The following WDR97 variants were observed in gnomAD, a reference collection of about 807,000 sequenced individuals.
The protein encoded by WDR97 is WD repeat-containing protein 97.
Under a neutral mutation model 65.4 loss-of-function variants are expected in WDR97, and 111 were observed. The ratio of observed to expected loss-of-function variants is 1.70; its 90% CI spans 1.45 to 1.99. The LOEUF is 1.99. Among genes scored for constraint, WDR97 ranks in the 30% most tolerant of loss-of-function variants. The pLI, the probability that WDR97 is intolerant of heterozygous loss-of-function variation, is 0.00. For synonymous variants in WDR97, 802 were observed against 397.7 expected, an observed-to-expected ratio of 2.02 and a Z score of -12.10; for missense variants, 1,674 against 865.0, an observed-to-expected ratio of 1.94 and a Z score of -11.73.
Position 144,111,976 on chromosome 8 carries a change from A to G in WDR97, c.2727A>G (p.Gln909=), listed in dbSNP as rs759755585. 21 of 702,318 alleles carry G rather than the reference A, an allele frequency of 3.0e-5. No homozygotes were observed. The highest frequency in any genetic ancestry group is 4.7e-5 in the Non-Finnish European group (18 of 384,898). 43.5% of individuals were successfully genotyped at this position (702,318 alleles called of 1,614,324 possible). The change falls in exon 13 of 24, where the codon CAA becomes CAG. Residue 909 remains glutamine, a synonymous_variant. Transcript: ENST00000323662. ...CCCGGGATGTGTGTGCTGTACCCCA[A>G]GCTGCCCACTGTCTTGCCCGGGCTG... The part of the protein sequence containing the change: ...RETRDVCAVP[Q]AAHCLARAEV...
In WDR97 at chr8:144,116,511, C is replaced by G. The variant is rs948967908; in HGVS notation, c.*218C>G. The G allele has an allele frequency of 6.1e-6, 3 of 494,414 alleles. No individual in the cohort carries two copies. The highest frequency in any genetic ancestry group is 1.1e-5 in the Non-Finnish European group (3 of 282,120). The allele number at this position is 494,414 out of a possible 1,614,324, so 30.6% of individuals were successfully genotyped here. ...CTGGCGGAGGTGGCCATCGTGGGCA[C>G]CAGCGTTCCCGGAGGGGTGGCCGGC... On this transcript the variant is annotated 3_prime_UTR_variant, in exon 24 of 24. Coordinates refer to ENST00000323662, the MANE Select transcript of WDR97 (RefSeq NM_001316309.2).
In WDR97 at chr8:144,116,506, G is replaced by A. The variant is rs1395408851; in HGVS notation, c.*213G>A. On this transcript the variant is annotated 3_prime_UTR_variant, in exon 24 of 24. Coordinates refer to ENST00000323662, the MANE Select transcript of WDR97 (RefSeq NM_001316309.2). ...GAGGCCTGGCGGAGGTGGCCATCGT[G>A]GGCACCAGCGTTCCCGGAGGGGTGG... is the stretch of plus-strand genomic sequence containing the variant. 4 of 498,202 alleles carry A rather than the reference G, an allele frequency of 8.0e-6. No homozygotes were observed. The East Asian group carries it at 1.3e-4, about 16-fold the overall frequency. 30.9% of individuals were successfully genotyped at this position (498,202 alleles called of 1,614,324 possible).
chr8:144,111,201 T>A lies in WDR97; in HGVS notation c.2405T>A (p.Leu802His), dbSNP rs781193322. 5.7e-6 allele frequency: 4 copies of A among 702,618 alleles called. No homozygotes were observed. The South Asian group carries it at 5.9e-5, about 10-fold the overall frequency. 43.5% of individuals were successfully genotyped at this position (702,618 alleles called of 1,614,324 possible). A position where few individuals can be genotyped will look rare whatever the true frequency, so the allele number is the denominator to read the frequency against. The change falls in exon 10 of 24, where the codon CTC becomes CAC. Residue 802 changes from leucine (L) to histidine (H), a missense_variant. Coordinates refer to ENST00000323662, the MANE Select transcript of WDR97 (RefSeq NM_001316309.2). ...TSAQLQRLTN[L>H]HGAASLSEAL... ...GCCCAACTGCAGAGGCTCACCAACC[T>A]CCATGGGGCAGCCAGCCTCAGGTCC...
In WDR97 at chr8:144,115,960, G is replaced by A. The variant is rs1465318811; in HGVS notation, c.4613G>A (p.Arg1538Gln). ...PREHWYHPIL[R>Q]LQEAKPQRSA... ...GCCTCCAGGTACCACCCCATCCTCCGGCTGCAGGAGGCCAAGCCGCAGAGG... is the reference window on the plus strand; with the variant it reads ...GCCTCCAGGTACCACCCCATCCTCCAGCTGCAGGAGGCCAAGCCGCAGAGG... Residue 1538 changes from arginine (R) to glutamine (Q), a missense_variant, in exon 23 of 24, where the codon CGG (arginine) becomes CAG (glutamine). Transcript: ENST00000323662. The A allele has an allele frequency of 4.3e-6, 3 of 700,972 alleles. No homozygotes were observed. The highest frequency in any genetic ancestry group is 2.7e-5 in the East Asian group (1 of 37,262). The allele number at this position is 700,972 out of a possible 1,614,324, so 43.4% of individuals were successfully genotyped here.
rs911382048 is a variant in WDR97, at chr8:144,114,857, C to A, written c.4023C>A (p.Ala1341=). 1.4e-6 allele frequency: 1 copy of A among 702,286 alleles called. No individual in the cohort carries two copies. The highest frequency in any genetic ancestry group is 1.7e-5 in the African/African-American group (1 of 57,242). 43.5% of individuals were successfully genotyped at this position (702,286 alleles called of 1,614,324 possible). ...AGGGCCCAGACCTGGACTCCAAGGC[C>A]GGCCTGCGCACTTGCTGCCACCAGA... is the stretch of plus-strand genomic sequence containing the variant. ...WVQGPDLDSK[A]GLRTCCHQKL... Residue 1341 remains alanine, a synonymous_variant, in exon 21 of 24, where the codon GCC becomes GCA. Transcript: ENST00000323662.
chr8:144,115,585 C>T lies in WDR97; in HGVS notation c.4322C>T (p.Thr1441Met), dbSNP rs1376291833. Reference protein sequence around the residue: ...PQLRLRVLSETLKSFCLEPEA... With the variant: ...PQLRLRVLSEMLKSFCLEPEA... ...CTCCGTCTCAGAGTGCTCTCCGAGA[C>T]GCTGAAGAGCTTCTGCCTGGAGCCC... The change falls in exon 22 of 24, where the codon ACG (threonine) becomes ATG (methionine). Residue 1441 changes from threonine (T) to methionine (M), a missense_variant. Physicochemically the swap from Thr to Met is moderately conservative, Grantham distance 81. Coordinates refer to ENST00000323662, the MANE Select transcript of WDR97 (RefSeq NM_001316309.2). The T allele has an allele frequency of 1.3e-5, 9 of 690,536 alleles. No homozygotes were observed. Among genetic ancestry groups the T allele is most frequent in the South Asian group, 1.2e-4 (8 of 67,026 alleles). The allele number at this position is 690,536 out of a possible 1,614,324, so 42.8% of individuals were successfully genotyped here.
At chr8:144,108,249 C>T (rs1249278959) in intron 2 of WDR97, 54 bp downstream of exon 2, 12 of 694,828 alleles carry the variant, frequency 1.7e-5, no homozygotes, top group Middle Eastern at 2.3e-4. Context: ...TGGGCCTTCC[C>T]TTAGGGGTCC....
Position 144,109,072 on chromosome 8 carries a change from G to A in WDR97, c.902G>A (p.Cys301Tyr), listed in dbSNP as rs989986220. 1.8e-5 allele frequency: 13 copies of A among 703,210 alleles called. No homozygotes were observed. Among genetic ancestry groups the A allele is most frequent in the Non-Finnish European group, 3.4e-5 (13 of 385,050 alleles). The allele number at this position is 703,210 out of a possible 1,614,324, so 43.6% of individuals were successfully genotyped here. ...AGCACCATCTCGGACCTGGCTTACT[G>A]CGAGGAAGTAGAGGCAATGGTGACA... Reference protein sequence around the residue: ...HKTTISDLAYCEEVEAMVTAS... With the variant: ...HKTTISDLAYYEEVEAMVTAS... The change falls in exon 4 of 24, where the codon TGC becomes TAC. Residue 301 changes from cysteine (C) to tyrosine (Y), a missense_variant. Cys to Tyr is a radical substitution (Grantham distance 194). Coordinates refer to ENST00000323662, the MANE Select transcript of WDR97 (RefSeq NM_001316309.2).
At position 144,108,504 on chromosome 8, in the gene WDR97, G is replaced by C. The variant is rs1468315476; in HGVS notation, c.438G>C (p.Ala146=). 7.1e-6 allele frequency: 5 copies of C among 700,762 alleles called. No homozygotes were observed. The highest frequency in any genetic ancestry group is 5.4e-5 in the East Asian group (2 of 37,272). 43.4% of individuals were successfully genotyped at this position (700,762 alleles called of 1,614,324 possible). A position where few individuals can be genotyped will look rare whatever the true frequency, so the allele number is the denominator to read the frequency against. ...EDGWAQETLL[A]PVRLTGLVTV... ...GCTGGGCACAGGAGACGCTGCTGGC[G>C]CCTGTCCGGCTTACGGGGCTGGTGA... The change falls in exon 3 of 24, where the codon GCG becomes GCC. Residue 146 remains alanine (A), a synonymous_variant. Transcript: ENST00000323662.
chr8:144,108,170 C>T lies in WDR97; in HGVS notation c.224C>T (p.Thr75Ile), dbSNP rs2130034685. 1 of 702,100 alleles carries T rather than the reference C, an allele frequency of 1.4e-6. No homozygotes were observed. Among genetic ancestry groups the T allele is most frequent in the East Asian group, 2.7e-5 (1 of 37,270 alleles). 43.5% of individuals were successfully genotyped at this position (702,100 alleles called of 1,614,324 possible). A position where few individuals can be genotyped will look rare whatever the true frequency, so the allele number is the denominator to read the frequency against. Reference sequence around the variant, plus strand: ...CGCCGGCTGTGGCTGCTTCTGCGCACCAGCCTCCACGAAGTCGTGGAAAAG... The same window carrying T: ...CGCCGGCTGTGGCTGCTTCTGCGCATCAGCCTCCACGAAGTCGTGGAAAAG... The part of the protein sequence containing the change: ...RARRLWLLLR[T>I]SLHEVVEKEK... Residue 75 changes from threonine to isoleucine, a missense_variant, in exon 2 of 24, where the codon ACC becomes ATC. Transcript: ENST00000323662.
Position 144,110,390 on chromosome 8 carries a change from G to A in WDR97, c.1893G>A (p.Glu631=). The A allele has an allele frequency of 1.4e-6, 1 of 702,954 alleles. No homozygotes were observed. The highest frequency in any genetic ancestry group is 2.6e-6 in the Non-Finnish European group (1 of 384,992). The allele number at this position is 702,954 out of a possible 1,614,324, so 43.5% of individuals were successfully genotyped here. A position where few individuals can be genotyped will look rare whatever the true frequency, so the allele number is the denominator to read the frequency against. ...GGCGCGTCTTCCCCTATGCCGAAGA[G>A]AGCCTGAGCCTGCTGCGCACCTTCT... is the stretch of plus-strand genomic sequence containing the variant. ...KMWRVFPYAE[E]SLSLLRTFSC... is the part of the protein sequence containing the mutation. The change falls in exon 7 of 24, where the codon GAG becomes GAA. Residue 631 remains glutamate, a synonymous_variant. Transcript: ENST00000323662.
chr8:144,112,571 A>C (rs1836573213), intron 15 of WDR97, 41 bp downstream of exon 15: 1 of 702,326 alleles, frequency 1.4e-6, no homozygotes, highest in Non-Finnish European at 2.6e-6. Context: ...ACTCCTCTCC[A>C]GGCATCACTC....
rs749326047 is a variant in WDR97 at position 144,110,909 on chromosome 8, C to G, written c.2217C>G (p.Ser739Arg). ...CCCCTCAGGCCCTGGCTTTCTGCAG[C>G]AACAGTGGAGACCTGGTGCTGGCGC... is the stretch of plus-strand genomic sequence containing the variant. ...NGAPQALAFC[S>R]NSGDLVLALG... Residue 739 changes from serine to arginine, a missense_variant, in exon 9 of 24, where the codon AGC (serine) becomes AGG (arginine). Physicochemically the swap from Ser to Arg is moderately radical, Grantham distance 110. Coordinates refer to ENST00000323662, the MANE Select transcript of WDR97 (RefSeq NM_001316309.2). 1.4e-6 allele frequency: 1 copy of G among 702,872 alleles called. No individual in the cohort carries two copies. The highest frequency in any genetic ancestry group is 1.5e-5 in the South Asian group (1 of 67,604). The allele number at this position is 702,872 out of a possible 1,614,324, so 43.5% of individuals were successfully genotyped here.
chr8:144,114,855 GC>G lies in WDR97; in HGVS notation c.4023del (p.Gly1342AlafsTer13), dbSNP rs1239222476. 1 of 702,442 alleles carries G rather than the reference GC, an allele frequency of 1.4e-6. No individual in the cohort carries two copies. Among genetic ancestry groups the G allele is most frequent in the Admixed American group, 2.0e-5 (1 of 49,888 alleles). The allele number at this position is 702,442 out of a possible 1,614,324, so 43.5% of individuals were successfully genotyped here. A position where few individuals can be genotyped will look rare whatever the true frequency, so the allele number is the denominator to read the frequency against. ...WVQGPDLDSK[A>X]GLRTCCHQKL... ...CCAGGGCCCAGACCTGGACTCCAAGGCCGGCCTGCGCACTTGCTGCCACCAG... is the reference window on the plus strand; with the variant it reads ...CCAGGGCCCAGACCTGGACTCCAAGGCGGCCTGCGCACTTGCTGCCACCAG... On this transcript the variant is annotated frameshift_variant, in exon 21 of 24. Transcript: ENST00000323662. LOFTEE classifies it high-confidence loss of function.
Position 144,111,654 on chromosome 8 carries a change from G to A in WDR97, c.2510G>A (p.Arg837Gln), listed in dbSNP as rs777000094. ...CAGGACTTGGACGCCATAGTGGCCC[G>A]GGACCGAGACCTTCAGCAGTTGAGG... ...PKEDLDAIVA[R>Q]DRDLQQLRLG... is the part of the protein sequence containing the mutation. Residue 837 changes from arginine (R) to glutamine (Q), a missense_variant, in exon 12 of 24, where the codon CGG becomes CAG. By Grantham distance (43) the Arg-to-Gln change is conservative (BLOSUM62 1). Coordinates refer to ENST00000323662, the MANE Select transcript of WDR97 (RefSeq NM_001316309.2). 34 of 695,482 alleles carry A rather than the reference G, an allele frequency of 4.9e-5. No homozygotes were observed. Among genetic ancestry groups the A allele is most frequent in the South Asian group, 3.9e-4 (26 of 66,958 alleles). The allele number at this position is 695,482 out of a possible 1,614,324, so 43.1% of individuals were successfully genotyped here. A position where few individuals can be genotyped will look rare whatever the true frequency, so the allele number is the denominator to read the frequency against.
Position 144,116,480 on chromosome 8 carries a change from G to A in WDR97, c.*187G>A, listed in dbSNP as rs555383496. On this transcript the variant is annotated 3_prime_UTR_variant, in exon 24 of 24. Coordinates refer to ENST00000323662, the MANE Select transcript of WDR97 (RefSeq NM_001316309.2). The stretch of plus-strand genomic sequence containing the variant: ...ACAGTGGCGGCGGAAGGCAGGAGCC[G>A]GAGGCCTGGCGGAGGTGGCCATCGT... 2 of 501,580 alleles carry A rather than the reference G, an allele frequency of 4.0e-6. No homozygotes were observed. Among genetic ancestry groups the A allele is most frequent in the South Asian group, 3.4e-5 (1 of 29,232 alleles). The allele number at this position is 501,580 out of a possible 1,614,324, so 31.1% of individuals were successfully genotyped here. A position where few individuals can be genotyped will look rare whatever the true frequency, so the allele number is the denominator to read the frequency against.
At position 144,115,998 on chromosome 8, in the gene WDR97, G is replaced by C; in HGVS notation, c.4651G>C (p.Ala1551Pro). The C allele has an allele frequency of 1.4e-6, 1 of 700,500 alleles. No homozygotes were observed. The highest frequency in any genetic ancestry group is 2.6e-6 in the Non-Finnish European group (1 of 384,448). 43.4% of individuals were successfully genotyped at this position (700,500 alleles called of 1,614,324 possible). A position where few individuals can be genotyped will look rare whatever the true frequency, so the allele number is the denominator to read the frequency against. Residue 1551 changes from alanine to proline, a missense_variant, in exon 23 of 24, where the codon GCG (alanine) becomes CCG (proline). Transcript: ENST00000323662. Reference protein sequence around the residue: ...EAKPQRSARSAMRLRGPMRSR... With the variant: ...EAKPQRSARSPMRLRGPMRSR... ...CAAGCCGCAGAGGTCCGCGAGGTCCGCGATGAGACTGAGGGGTGAGTGGAG... is the reference window on the plus strand; with the variant it reads ...CAAGCCGCAGAGGTCCGCGAGGTCCCCGATGAGACTGAGGGGTGAGTGGAG...
Position 144,118,118 on chromosome 8 carries a change from TCACAC to T in WDR97, c.*1827_*1831del, listed in dbSNP as rs1814806664. The T allele has an allele frequency of 6.6e-6, 1 of 152,130 alleles. No individual in the cohort carries two copies. 9.4% of individuals were successfully genotyped at this position (152,130 alleles called of 1,614,324 possible). ...GAAACCAATGACAGATATCATAATA[TCACAC>T]CCACACATCAGGCAAGAGACTTGTT... is the stretch of plus-strand genomic sequence containing the variant. On this transcript the variant is annotated 3_prime_UTR_variant, in exon 24 of 24. Transcript: ENST00000323662.
chr8:144,113,231 C>T (rs1041240719), intron 15 of WDR97: 4 of 584,396 alleles, frequency 6.8e-6, no homozygotes, highest in African/African-American at 1.9e-5. Context: ...AGAGCTGATG[C>T]TCACTGAGGG....
Sources: gnomAD v4.1 joint callset for allele counts on GRCh38, gnomAD v4.1.1 for gene constraint, MANE v1.5 for transcripts, NCBI Gene and HGNC (gene_info 2026-07-23, HGNC 2026-07-21) for gene names.